PTPRK: variants seen among roughly 807,000 people sequenced by gnomAD.
PTPRK encodes the protein protein tyrosine phosphatase receptor type K.
A neutral mutation model predicts 178.0 loss-of-function variants in PTPRK; 75 were observed. The observed-to-expected ratio is 0.42, with a 90% CI of 0.35 to 0.51. PTPRK has a LOEUF of 0.51. Among genes scored for constraint, PTPRK ranks in the 20% least tolerant of loss-of-function variants. The pLI is 0.02. For synonymous variants in PTPRK, 637 were observed against 620.6 expected (o/e 1.03, Z -0.39); for missense variants, 1,441 against 1,797.8 (o/e 0.80, Z 3.59).
intron 13 of PTPRK, among the ~76,000 whole-genome samples, chr6:128,011,110 C>T (rs1288079914): frequency 6.6e-6 from 1 of 150,982 alleles, no homozygotes; most frequent in Non-Finnish European, 1.5e-5. Flanking sequence ...ATGAAAAAAC[C>T]TAAAAGGAAC....
chr6:128,383,805 A>T (rs1257093446), intron 2 of PTPRK, among the ~76,000 whole-genome samples: 1 of 152,198 alleles, frequency 6.6e-6, no homozygotes, highest in Non-Finnish European at 1.5e-5. Flanking sequence ...TATCTTTAAC[A>T]TTGTTTTAAC....
At chr6:128,189,235 C>CTTTTTT (rs71028115) in intron 6 of PTPRK, among the ~76,000 whole-genome samples, 573 of 67,366 alleles carry the variant, frequency 8.5e-3, no homozygotes, top group Non-Finnish European at 9.2e-3. Flanking sequence ...TACTCTTTTT[C>CTTTTTT]TTTTTTTTTT....
At chr6:128,208,827 C>T (rs1299162322) in intron 6 of PTPRK, among the ~76,000 whole-genome samples, 1 of 152,112 alleles carries the variant, frequency 6.6e-6, no homozygotes, top group Admixed American at 6.6e-5. Context: ...TACCCACATT[C>T]CTAAAGATTT....
At chr6:128,014,613 G>A (rs1397700632) in intron 13 of PTPRK, among the ~76,000 whole-genome samples, 4 of 151,478 alleles carry the variant, frequency 2.6e-5, no homozygotes, top group Non-Finnish European at 5.9e-5. Context: ...AGTTCTTTGG[G>A]TCCATTACAT....
At chr6:128,055,945 G>C (rs962112776) in intron 13 of PTPRK, among the ~76,000 whole-genome samples, 1 of 149,758 alleles carries the variant, frequency 6.7e-6, no homozygotes, top group Non-Finnish European at 1.5e-5. Flanking sequence ...CTTACCAGAA[G>C]TGTCCATTAT....
intron 2 of PTPRK, among the ~76,000 whole-genome samples, chr6:128,389,393 GTTTT>G (rs1004801601): frequency 2.4e-5 from 1 of 41,316 alleles, no homozygotes; most frequent in Non-Finnish European, 1.0e-4. Context: ...TGTTTGCTCG[GTTTT>G]TTTTTGTTTT....
In PTPRK at chr6:128,376,821, C is replaced by A. The variant is rs186369007; in HGVS notation, c.223+20745G>T. Among the ~76,000 whole-genome samples the A allele has an allele frequency of 1.3e-3, 198 of 152,286 alleles. 1 individual carries two copies. Among genetic ancestry groups the A allele is most frequent in the Middle Eastern group, 3.4e-3 (1 of 294 alleles). On this transcript the variant is annotated intron_variant, in intron 2 of 29. Coordinates refer to ENST00000368226, the MANE Select transcript of PTPRK (RefSeq NM_002844.4). ...CACCTCTCTCAAGTTCAAACTTCCA[C>A]AAATCTCTAGGGCAGGGGCATAATG...
chr6:128,518,904 TG>T (rs1858502483), intron 1 of PTPRK: 1 of 449,070 alleles, frequency 2.2e-6, no homozygotes, highest in African/African-American at 2.1e-5. Flanking sequence ...AGGAGAGCAA[TG>T]GAAGGGAAAT....
intron 7 of PTPRK, among the ~76,000 whole-genome samples, chr6:128,161,633 A>G (rs1798722921): frequency 6.6e-6 from 1 of 151,618 alleles, no homozygotes. Flanking sequence ...TTAAAAAAAT[A>G]AAACTCTCTC....
chr6:128,319,159 G>C (rs1828448641), intron 3 of PTPRK, among the ~76,000 whole-genome samples: 1 of 152,102 alleles, frequency 6.6e-6, no homozygotes, highest in East Asian at 1.9e-4. Context: ...AGGAATAGAG[G>C]AATCGACAAA....
chr6:128,277,045 A>G (rs1404932140), intron 3 of PTPRK, among the ~76,000 whole-genome samples: 1 of 151,992 alleles, frequency 6.6e-6, no homozygotes, highest in African/African-American at 2.4e-5. Context: ...TAAATCTCTA[A>G]CTGAAAGACA....
At chr6:128,255,320 G>A (rs567490939) in intron 3 of PTPRK, among the ~76,000 whole-genome samples, 5 of 152,228 alleles carry the variant, frequency 3.3e-5, no homozygotes, top group African/African-American at 1.2e-4. Context: ...GATGGAGAGA[G>A]ATAAACTCAT....
chr6:128,331,803 C>A (rs560683831), intron 2 of PTPRK, among the ~76,000 whole-genome samples: 1 of 152,284 alleles, frequency 6.6e-6, no homozygotes, highest in East Asian at 1.9e-4. Flanking sequence ...CAGGAGTCTA[C>A]TTCCAACAAC....
intron 3 of PTPRK, among the ~76,000 whole-genome samples, chr6:128,289,884 C>T (rs763690384): frequency 2.0e-5 from 3 of 152,000 alleles, no homozygotes; most frequent in Non-Finnish European, 2.9e-5. Flanking sequence ...GTTTTTCATG[C>T]CTTATATAAT....
At chr6:128,513,493 AAAAGAAAG>A (rs562818808) in intron 1 of PTPRK, among the ~76,000 whole-genome samples, 2 of 150,244 alleles carry the variant, frequency 1.3e-5, no homozygotes, top group South Asian at 2.1e-4. Context: ...CAAAAAAAAA[AAAAGAAAG>A]AAAGAAAGAA....
At chr6:128,392,877 C>T (rs751669477) in intron 2 of PTPRK, among the ~76,000 whole-genome samples, 16 of 151,958 alleles carry the variant, frequency 1.1e-4, no homozygotes, top group Non-Finnish European at 2.1e-4. Flanking sequence ...ATGTAAGGGT[C>T]TAATTACATA....
At chr6:128,354,236 T>TTTTTTTG (rs1833633511) in intron 2 of PTPRK, among the ~76,000 whole-genome samples, 1 of 82,380 alleles carries the variant, frequency 1.2e-5, no homozygotes, top group Non-Finnish European at 2.4e-5. Context: ...TTTATGTTTT[T>TTTTTTTG]TTTTTTTTTT....
intron 1 of PTPRK, chr6:128,409,325 G>A (rs781632071): frequency 2.2e-6 from 1 of 454,710 alleles, no homozygotes; most frequent in South Asian, 1.6e-5. Flanking sequence ...AGTAACTGCA[G>A]GCCTTTTCTG....
intron 6 of PTPRK, among the ~76,000 whole-genome samples, chr6:128,190,820 A>C (rs1269749699): frequency 6.6e-6 from 1 of 152,054 alleles, no homozygotes; most frequent in East Asian, 1.9e-4. Context: ...TTCAAATCAT[A>C]TTACTCAGGT....
Sources: allele counts gnomAD v4.1 joint callset (sites outside exome capture counted in the v4.1 genomes callset), GRCh38; gene constraint gnomAD v4.1.1; transcripts MANE v1.5; gene names NCBI Gene and HGNC (gene_info 2026-07-23, HGNC 2026-07-21).